The following APOLD1 variants were observed in gnomAD, a reference collection of about 807,000 sequenced individuals.
APOLD1 encodes apolipoprotein L domain containing 1.
A neutral mutation model predicts 15.3 loss-of-function variants in APOLD1; 22 were observed. The ratio of observed to expected loss-of-function variants is 1.44; its 90% CI spans 1.03 to 2.05. APOLD1 has a LOEUF of 2.05. APOLD1 is among the 30% of genes most tolerant of loss of function. The pLI is 0.00. For missense variants in APOLD1, 394 were observed against 353.5 expected (o/e 1.11, Z -0.92); for synonymous variants, 190 against 167.4 (o/e 1.13, Z -1.04).
chr12:12,739,477 T>C (rs1260933092), intron 1 of APOLD1, among the ~76,000 whole-genome samples: 1 of 152,240 alleles, frequency 6.6e-6, no homozygotes, highest in African/African-American at 2.4e-5. Context: ...CTAATCAAGA[T>C]ACATTTGAAA....
In APOLD1 at chr12:12,763,304, C is replaced by G. The variant is rs1314007482; in HGVS notation, c.97-23605C>G. ...TTAAAAACTACCCTCTTAACAATTC[C>G]TAAGTACAATTATCCCCCCATATCC... On this transcript the variant is annotated intron_variant, in intron 1 of 1. Coordinates refer to the APOLD1 transcript ENST00000326765. 2.0e-5 allele frequency among the ~76,000 whole-genome samples: 3 copies of G among 151,970 alleles called. No individual in the cohort carries two copies. In the East Asian group the frequency reaches 5.8e-4, roughly 29 times the overall value.
chr12:12,779,976 C>A (rs898955138), intron 1 of APOLD1, among the ~76,000 whole-genome samples: 1 of 151,972 alleles, frequency 6.6e-6, no homozygotes, highest in South Asian at 2.1e-4. Flanking sequence ...CTTGAGATTC[C>A]ATGCAATATA....
At position 12,786,969 on chromosome 12, in the gene APOLD1, G is replaced by C; in HGVS notation, c.64G>C (p.Gly22Arg). The C allele has an allele frequency of 2.1e-6, 3 of 1,458,448 alleles. No individual in the cohort carries two copies. The South Asian group carries it at 4.0e-5, about 20-fold the overall frequency. The allele number at this position is 1,458,448 out of a possible 1,614,324, so 90.3% of individuals were successfully genotyped here. ...GCCCGACGCGCTGCGGCGCTTCCAG[G>C]GACTGCTGCTGGACCGCCGAGGCCG... Reference protein sequence around the residue: ...HGPDALRRFQGLLLDRRGRLH... With the variant: ...HGPDALRRFQRLLLDRRGRLH... The change falls in exon 2 of 2, where the codon GGA (glycine) becomes CGA (arginine). Residue 22 changes from glycine (G) to arginine (R), a missense_variant. Coordinates refer to ENST00000356591, the MANE Select transcript of APOLD1 (RefSeq NM_030817.3).
chr12:12,741,558 T>C (rs997239869), intron 1 of APOLD1, among the ~76,000 whole-genome samples: 16 of 152,134 alleles, frequency 1.1e-4, no homozygotes, highest in African/African-American at 3.6e-4. Flanking sequence ...CAGTTTATAG[T>C]GTGAAAAAGT....
chr12:12,785,586 A>AC, upstream of APOLD1: 1 of 1,609,340 alleles, frequency 6.2e-7, no homozygotes, highest in South Asian at 1.1e-5. Flanking sequence ...AATTCTCAGA[A>AC]TGAGACAAGG....
chr12:12,780,413 C>T (rs1947070649), intron 1 of APOLD1, among the ~76,000 whole-genome samples: 1 of 151,940 alleles, frequency 6.6e-6, no homozygotes, highest in Admixed American at 6.6e-5. Flanking sequence ...ACCGAGGCGC[C>T]TGCCTCAGCC....
At chr12:12,786,137 T>C (rs981875628) in intron 1 of APOLD1, among the ~76,000 whole-genome samples, 1 of 152,250 alleles carries the variant, frequency 6.6e-6, no homozygotes, top group African/African-American at 2.4e-5. Flanking sequence ...TTGGCCACTT[T>C]ATTTTATTCA....
At chr12:12,744,117 A>C (rs1055864511) in intron 1 of APOLD1, among the ~76,000 whole-genome samples, 1 of 151,970 alleles carries the variant, frequency 6.6e-6, no homozygotes, top group African/African-American at 2.4e-5. Context: ...GGAGTTTGAG[A>C]CCAGCCTGGG....
intron 1 of APOLD1, among the ~76,000 whole-genome samples, chr12:12,772,996 T>G (rs1212011383): frequency 6.6e-6 from 1 of 152,132 alleles, no homozygotes; most frequent in Non-Finnish European, 1.5e-5. Flanking sequence ...GGAGGATCAC[T>G]TGAGCCCAGG....
chr12:12,739,517 CAATATTTA>C (rs1299069763), intron 1 of APOLD1, among the ~76,000 whole-genome samples: 1 of 152,018 alleles, frequency 6.6e-6, no homozygotes, highest in Non-Finnish European at 1.5e-5. Flanking sequence ...CAACTGTAAA[CAATATTTA>C]AAAAATATAT....
chr12:12,787,098 A>T lies in APOLD1; in HGVS notation c.193A>T (p.Thr65Ser). ...CGTGGCCGGCAGCTCGCTGAGCGCA[A>T]CGGGCGCCCTCGCCGCCATCGTGGG... Reference protein sequence around the residue: ...ANVAGSSLSATGALAAIVGLS... With the variant: ...ANVAGSSLSASGALAAIVGLS... The change falls in exon 2 of 2, where the codon ACG (threonine) becomes TCG (serine). Residue 65 changes from threonine to serine, a missense_variant. Coordinates refer to ENST00000356591, the MANE Select transcript of APOLD1 (RefSeq NM_030817.3). This position sits in a 1 kb window ranked among gnomAD's most constrained non-coding sequence, Gnocchi z 4.9. 1.4e-6 allele frequency: 2 copies of T among 1,411,644 alleles called. No homozygotes were observed. The highest frequency in any genetic ancestry group is 1.8e-6 in the Non-Finnish European group (2 of 1,093,740). 87.4% of individuals were successfully genotyped at this position (1,411,644 alleles called of 1,614,324 possible).
rs1947133447 is a variant in APOLD1, at chr12:12,787,006, A to T, written c.101A>T (p.Gln34Leu). Residue 34 changes from glutamine (Q) to leucine (L), a missense_variant, in exon 2 of 2, where the codon CAG becomes CTG. Coordinates refer to ENST00000356591, the MANE Select transcript of APOLD1 (RefSeq NM_030817.3). This position sits in a 1 kb window ranked among gnomAD's most constrained non-coding sequence, Gnocchi z 4.9. ...GACCGCCGAGGCCGGCTGCACGGCC[A>T]GGTGCTGCGCCTGCGCGAGGTGGCC... ...LLDRRGRLHG[Q>L]VLRLREVARR... The T allele has an allele frequency of 2.1e-6, 3 of 1,409,876 alleles. No homozygotes were observed. In the East Asian group the frequency reaches 9.1e-5, roughly 43 times the overall value. The allele number at this position is 1,409,876 out of a possible 1,614,324, so 87.3% of individuals were successfully genotyped here.
At chr12:12,746,811 T>G (rs1214804536) in intron 1 of APOLD1, among the ~76,000 whole-genome samples, 1 of 152,164 alleles carries the variant, frequency 6.6e-6, no homozygotes, top group African/African-American at 2.4e-5. Flanking sequence ...TCCCTCCTTC[T>G]GGAGTGCCCA....
intron 1 of APOLD1, among the ~76,000 whole-genome samples, chr12:12,730,714 G>A (rs11055032): frequency 3.2e-5 from 4 of 126,112 alleles, no homozygotes; most frequent in Non-Finnish European, 3.2e-5. Flanking sequence ...AAAGAAAAAA[G>A]TTTTTTTTTT....
Position 12,743,794 on chromosome 12 carries a change from G to A in APOLD1, c.96+17698G>A, listed in dbSNP as rs573237989. Among the ~76,000 whole-genome samples the A allele has an allele frequency of 1.6e-4, 24 of 152,366 alleles. 1 individual carries two copies. In the South Asian group the frequency reaches 5.0e-3, roughly 32 times the overall value. ...TGAATCTTGGAAGAGGAAAGCAGAA[G>A]AGGGATTCAGAGTGGTGTGACGTGA... is the stretch of plus-strand genomic sequence containing the variant. On this transcript the variant is annotated intron_variant, in intron 1 of 1. Coordinates refer to the APOLD1 transcript ENST00000326765.
At chr12:12,767,424 G>A (rs12320779) in intron 1 of APOLD1, among the ~76,000 whole-genome samples, 24,956 of 152,114 alleles carry the variant, frequency 0.16, 3,166 homozygotes, top group African/African-American at 0.34. Context: ...CACTTTGGGA[G>A]GCCGAGGTGG....
At chr12:12,729,486 C>T (rs1056618318) in intron 1 of APOLD1, among the ~76,000 whole-genome samples, 132 of 152,168 alleles carry the variant, frequency 8.7e-4, no homozygotes, top group African/African-American at 3.1e-3. Flanking sequence ...TCTTGAACGC[C>T]TGGCCTCAAG....
chr12:12,786,746 G>A, intron 1 of APOLD1, 163 bp from the exon 2 acceptor site: 2 of 985,412 alleles, frequency 2.0e-6, no homozygotes, highest in Non-Finnish European at 1.2e-6. Flanking sequence ...ACAGGTCTTT[G>A]AGAACTCGTC....
chr12:12,750,252 A>G (rs1946800936), intron 1 of APOLD1, among the ~76,000 whole-genome samples: 1 of 151,714 alleles, frequency 6.6e-6, no homozygotes, highest in Non-Finnish European at 1.5e-5. Context: ...CATGGCAGTA[A>G]TCCCAGCTAC....
Sources: allele counts gnomAD v4.1 joint callset (sites outside exome capture counted in the v4.1 genomes callset), GRCh38; gene constraint gnomAD v4.1.1; non-coding constraint Gnocchi (gnomAD v3.1); transcripts MANE v1.5; gene names NCBI Gene and HGNC (gene_info 2026-07-23, HGNC 2026-07-21).